ARL17B: variants seen among roughly 807,000 people sequenced by gnomAD.
ARL17B encodes ADP-ribosylation factor-like protein 17.
chr17:46,283,612 G>A (rs909500028), intron 4 of ARL17B, among the ~76,000 whole-genome samples: 1 of 152,204 alleles, frequency 6.6e-6, no homozygotes, highest in Non-Finnish European at 1.5e-5. Flanking sequence ...ACCTTGGTGT[G>A]GTGAAGGGGT....
intron 4 of ARL17B, among the ~76,000 whole-genome samples, chr17:46,279,539 T>C (rs2049702190): frequency 6.7e-6 from 1 of 148,186 alleles, no homozygotes; most frequent in African/African-American, 2.5e-5. Context: ...TCTTGTTGTG[T>C]CGTCCAGGCT....
At chr17:46,279,791 A>G (rs111522045) in intron 4 of ARL17B, among the ~76,000 whole-genome samples, 17,413 of 150,560 alleles carry the variant, frequency 0.12, no homozygotes, top group Non-Finnish European at 0.18. Flanking sequence ...CACCATTCCC[A>G]GCCAACAGGC....
At chr17:46,298,694 A>AGCCT (rs1378903491), downstream of ARL17B, among the ~76,000 whole-genome samples, 4 of 105,012 alleles carry the variant, frequency 3.8e-5, no homozygotes, top group Non-Finnish European at 8.3e-5. Context: ...ACTGCACTCC[A>AGCCT]GCCTGGGCGA....
At chr17:46,284,669 T>C (rs143562817) in intron 4 of ARL17B, among the ~76,000 whole-genome samples, 2,124 of 152,148 alleles carry the variant, frequency 0.014, 10 homozygotes, top group Middle Eastern at 0.034. Context: ...ATGCTGGCAT[T>C]GCAACTGCTT....
At chr17:46,340,530 G>C (rs2052487802) in intron 3 of ARL17B, among the ~76,000 whole-genome samples, 1 of 65,092 alleles carries the variant, frequency 1.5e-5, no homozygotes, top group South Asian at 6.2e-4. Context: ...TTGGGTTTTG[G>C]GGTTTTTTTT....
At chr17:46,280,070 C>A (rs1329920941) in intron 4 of ARL17B, among the ~76,000 whole-genome samples, 2 of 152,038 alleles carry the variant, frequency 1.3e-5, no homozygotes, top group African/African-American at 4.8e-5. Flanking sequence ...GTTTTCTGAA[C>A]CCAAATAAAT....
At chr17:46,330,898 G>C (rs78117635), downstream of ARL17B, 36 of 724,904 alleles carry the variant, frequency 5.0e-5, 15 homozygotes, top group Middle Eastern at 1.4e-3. Flanking sequence ...AAAGGCTCAC[G>C]AGTCCAGCCC....
In ARL17B at chr17:46,291,486, A is replaced by G. The variant is rs147981960; in HGVS notation, c.*21+8040T>C. The stretch of plus-strand genomic sequence containing the variant: ...AAGGGAGGCTAACATGCTGTGTGTG[A>G]GGCAGTGATAGGCTCCCTGCTGGAA... On this transcript the variant is annotated intron_variant, in intron 4 of 4. Transcript: ENST00000570618. 6.2e-4 allele frequency among the ~76,000 whole-genome samples: 93 copies of G among 150,848 alleles called. 1 individual carries two copies. The East Asian group carries it at 0.018, about 29-fold the overall frequency.
intron 4 of ARL17B, among the ~76,000 whole-genome samples, chr17:46,287,869 C>T (rs1432672523): frequency 2.0e-5 from 3 of 152,294 alleles, no homozygotes; most frequent in East Asian, 3.9e-4. Context: ...TAATAAAAGA[C>T]GTAATGACAA....
intron 4 of ARL17B, among the ~76,000 whole-genome samples, chr17:46,283,166 A>C (rs1342096465): frequency 6.6e-6 from 1 of 152,206 alleles, no homozygotes; most frequent in Non-Finnish European, 1.5e-5. Context: ...ACTGTAATAG[A>C]TACTATCAAT....
Position 46,289,036 on chromosome 17 carries a change from T to C in ARL17B, c.*21+10490A>G, listed in dbSNP as rs544948444. 1.1e-3 allele frequency among the ~76,000 whole-genome samples: 167 copies of C among 152,312 alleles called. 1 individual carries two copies. Among genetic ancestry groups the C allele is most frequent in the African/African-American group, 3.8e-3 (158 of 41,552 alleles). ...TGTCTCAATATGCATTTTGCCATAC[T>C]TTTTAAGTGCATCTCTTCTGCTATC... On this transcript the variant is annotated intron_variant, in intron 4 of 4. Transcript: ENST00000570618.
intron 4 of ARL17B, among the ~76,000 whole-genome samples, chr17:46,278,858 C>T (rs1376470728): frequency 2.0e-5 from 3 of 151,788 alleles, no homozygotes; most frequent in Admixed American, 2.0e-4. Flanking sequence ...AGTGCAATGG[C>T]ATGGTTTTGG....
At chr17:46,289,503 T>A (rs1252622615) in intron 4 of ARL17B, among the ~76,000 whole-genome samples, 9 of 152,290 alleles carry the variant, frequency 5.9e-5, no homozygotes, top group South Asian at 4.1e-4. Context: ...TGACTTAAAA[T>A]TTTTTTAAAA....
chr17:46,290,385 T>C (rs1235441172), intron 4 of ARL17B, among the ~76,000 whole-genome samples: 1 of 152,058 alleles, frequency 6.6e-6, no homozygotes, highest in African/African-American at 2.4e-5. Context: ...CTCAGCCTTT[T>C]AGAATGCTGG....
At chr17:46,274,221 T>C (rs139688356), downstream of ARL17B, among the ~76,000 whole-genome samples, 919 of 152,106 alleles carry the variant, frequency 6.0e-3, no homozygotes, top group Non-Finnish European at 9.6e-3. Context: ...ATTTATTTTG[T>C]TTCACATACA....
chr17:46,284,652 C>T (rs1168663272), intron 4 of ARL17B, among the ~76,000 whole-genome samples: 1 of 152,200 alleles, frequency 6.6e-6, no homozygotes, highest in Non-Finnish European at 1.5e-5. Flanking sequence ...TGAGCTGTCA[C>T]TGAGTGATGC....
chr17:46,278,297 C>A (rs2049648251), intron 4 of ARL17B, among the ~76,000 whole-genome samples: 1 of 152,192 alleles, frequency 6.6e-6, no homozygotes, highest in Admixed American at 6.6e-5. Context: ...TTCATTTAAG[C>A]CCTGTGATGG....
chr17:46,325,617 A>C (rs1162953376), intron 3 of ARL17B, among the ~76,000 whole-genome samples: 1 of 81,222 alleles, frequency 1.2e-5, no homozygotes, highest in African/African-American at 3.1e-5. Context: ...TGTTATGATT[A>C]GGACAATTGT....
chr17:46,274,778 TTTTTCTTTTTTTTTTTTAA>T (rs2049542486), exon 5 of ARL17B: 1 of 148,038 alleles, frequency 6.8e-6, no homozygotes, highest in African/African-American at 2.4e-5. Context: ...TCTTGCTTTC[TTTTTCTTTTTTTTTTTTAA>T]TAAACAAAAT....
Sources: allele counts gnomAD v4.1 joint callset (sites outside exome capture counted in the v4.1 genomes callset), GRCh38; gene constraint gnomAD v4.1.1; transcripts MANE v1.5; gene names NCBI Gene and HGNC (gene_info 2026-07-23, HGNC 2026-07-21).